The following GREB1L variants were observed in gnomAD, a reference collection of about 807,000 sequenced individuals.
GREB1L encodes GREB1 like retinoic acid receptor coactivator.
Under a neutral mutation model 200.8 loss-of-function variants are expected in GREB1L, and 17 were observed. The observed-to-expected ratio is 0.08, with a 90% CI of 0.06 to 0.13. The LOEUF is 0.13. GREB1L is among the 10% of genes least tolerant of loss of function. The pLI is 1.00. For synonymous variants in GREB1L, 789 were observed against 893.0 expected, an observed-to-expected ratio of 0.88 and a Z score of 2.08; for missense variants, 1,657 against 2,367.7, an observed-to-expected ratio of 0.70 and a Z score of 6.23.
chr18:21,246,431 CA>C (rs2037603638), intron 1 of GREB1L, among the ~76,000 whole-genome samples: 1 of 152,104 alleles, frequency 6.6e-6, no homozygotes. Context: ...TATCTTAAAA[CA>C]TATTATTGTT....
intron 15 of GREB1L, among the ~76,000 whole-genome samples, chr18:21,457,314 C>T (rs981294300): frequency 6.6e-6 from 1 of 152,076 alleles, no homozygotes; most frequent in Non-Finnish European, 1.5e-5. Flanking sequence ...TTGGCACACT[C>T]AAAGCAAAGC....
At chr18:21,382,008 T>C (rs1343086316) in intron 2 of GREB1L, among the ~76,000 whole-genome samples, 1 of 152,166 alleles carries the variant, frequency 6.6e-6, no homozygotes, top group Non-Finnish European at 1.5e-5. Flanking sequence ...CTACAAGCCT[T>C]ACCTACCAGC....
In GREB1L at chr18:21,309,783, G is replaced by A. The variant is rs564971183; in HGVS notation, c.-119-56244G>A. Among the ~76,000 whole-genome samples, 15 of 152,000 alleles carry A rather than the reference G, an allele frequency of 9.9e-5. No individual in the cohort carries two copies. The South Asian group carries it at 2.3e-3, about 23-fold the overall frequency. ...AGCTGTATGGTTTCATCCAAATCACGGTCTAGCAATGTCTGGAGACATTTT... is the reference window on the plus strand; with the variant it reads ...AGCTGTATGGTTTCATCCAAATCACAGTCTAGCAATGTCTGGAGACATTTT... On this transcript the variant is annotated intron_variant, in intron 1 of 32. Coordinates refer to ENST00000424526, the MANE Select transcript of GREB1L (RefSeq NM_001142966.3).
intron 30 of GREB1L, among the ~76,000 whole-genome samples, chr18:21,517,134 A>T (rs967625448): frequency 6.6e-6 from 1 of 152,142 alleles, no homozygotes; most frequent in Non-Finnish European, 1.5e-5. Context: ...TTGGCCTCCC[A>T]AAGTGCTGGG....
intron 15 of GREB1L, among the ~76,000 whole-genome samples, chr18:21,459,279 C>CTTTTTTTTTTTTTTTTTT (rs746568414): frequency 8.1e-5 from 7 of 85,928 alleles, no homozygotes; most frequent in South Asian, 4.4e-4. Context: ...TTTTTCTTTA[C>CTTTTTTTTTTTTTTTTTT]TTTTTTTTTT....
chr18:21,401,763 G>A (rs1200091122), intron 6 of GREB1L: 1 of 153,046 alleles, frequency 6.5e-6, no homozygotes, highest in African/African-American at 2.4e-5. Context: ...TAATACCTGG[G>A]AAAATACACT....
At chr18:21,513,717 T>G in intron 27 of GREB1L, 104 bp from the exon 28 acceptor site, 1 of 1,085,370 alleles carries the variant, frequency 9.2e-7, no homozygotes. Flanking sequence ...ATGGTTCCCA[T>G]GTGAACAGGC....
intron 23 of GREB1L, among the ~76,000 whole-genome samples, chr18:21,504,687 G>A (rs2036939807): frequency 6.6e-6 from 1 of 152,202 alleles, no homozygotes; most frequent in African/African-American, 2.4e-5. Flanking sequence ...ACGTTAGCTG[G>A]GCATGGTGGC....
At chr18:21,386,842 T>TA (rs1167513517) in intron 4 of GREB1L, among the ~76,000 whole-genome samples, 1 of 152,136 alleles carries the variant, frequency 6.6e-6, no homozygotes, top group Non-Finnish European at 1.5e-5. Context: ...AAGATAGTTT[T>TA]AAGAGCCTTC....
At chr18:21,326,051 C>T (rs1004901302) in intron 1 of GREB1L, among the ~76,000 whole-genome samples, 3 of 151,952 alleles carry the variant, frequency 2.0e-5, no homozygotes, top group African/African-American at 7.2e-5. Context: ...CTAAATAAAA[C>T]TATTTACCAA....
intron 23 of GREB1L, among the ~76,000 whole-genome samples, chr18:21,504,586 A>G (rs1212052764): frequency 1.3e-5 from 2 of 152,180 alleles, no homozygotes; most frequent in Admixed American, 6.5e-5. Flanking sequence ...CTGCGGTTCC[A>G]GCACTTTGGG....
At chr18:21,246,337 A>C (rs2037601875) in intron 1 of GREB1L, among the ~76,000 whole-genome samples, 1 of 152,218 alleles carries the variant, frequency 6.6e-6, no homozygotes. Flanking sequence ...GGAAATTTCT[A>C]GATTTACAGT....
intron 1 of GREB1L, among the ~76,000 whole-genome samples, chr18:21,272,897 T>C (rs1226973465): frequency 6.6e-6 from 1 of 152,244 alleles, no homozygotes; most frequent in Non-Finnish European, 1.5e-5. Flanking sequence ...TTTAAATTCA[T>C]GAAAATTTTT....
chr18:21,512,992 G>A (rs748915052), intron 27 of GREB1L, among the ~76,000 whole-genome samples: 44 of 152,038 alleles, frequency 2.9e-4, no homozygotes, highest in Non-Finnish European at 4.6e-4. Flanking sequence ...CATAAAATTT[G>A]GCTGATTACT....
intron 19 of GREB1L, among the ~76,000 whole-genome samples, chr18:21,493,452 A>G (rs1160876857): frequency 6.6e-6 from 1 of 152,180 alleles, no homozygotes; most frequent in Non-Finnish European, 1.5e-5. Context: ...GATGCACAGG[A>G]GAACTGCAGC....
chr18:21,295,965 C>A (rs2038520456), intron 1 of GREB1L, among the ~76,000 whole-genome samples: 2 of 152,234 alleles, frequency 1.3e-5, no homozygotes. Flanking sequence ...GGAACACTTA[C>A]ACACTGTTAG....
chr18:21,384,110 G>C, intron 3 of GREB1L, 96 bp from the exon 4 acceptor site: 1 of 878,954 alleles, frequency 1.1e-6, no homozygotes, highest in Non-Finnish European at 1.8e-6. Context: ...GTTAGAAAAT[G>C]CTAGACCTTT....
rs1483868687 is a variant in GREB1L at position 21,522,665 on chromosome 18, A to G, written c.5616A>G (p.Thr1872=). 4.5e-6 allele frequency: 7 copies of G among 1,551,306 alleles called. No individual in the cohort carries two copies. In the East Asian group the frequency reaches 7.3e-5, roughly 16 times the overall value. Residue 1872 remains threonine, a synonymous_variant, in exon 33 of 33, where the codon ACA becomes ACG. Coordinates refer to ENST00000424526, the MANE Select transcript of GREB1L (RefSeq NM_001142966.3). ...LKKFKFLKGA[T]LCVICQDRSS... ...CTGTCTTTTTTCCTGAAGGTGCTAC[A>G]CTGTGTGTCATCTGCCAAGACAGAA... is the stretch of plus-strand genomic sequence containing the variant.
intron 15 of GREB1L, among the ~76,000 whole-genome samples, chr18:21,467,763 A>G (rs1462277393): frequency 1.6e-4 from 24 of 152,260 alleles, no homozygotes; most frequent in Middle Eastern, 3.4e-3. Flanking sequence ...AGTGGCTCAC[A>G]CCTGTAATCC....
Sources: gnomAD v4.1 joint callset for allele counts (sites outside exome capture counted in the v4.1 genomes callset) on GRCh38, gnomAD v4.1.1 for gene constraint, MANE v1.5 for transcripts, NCBI Gene and HGNC (gene_info 2026-07-23, HGNC 2026-07-21) for gene names.